SLC14A2: variants seen among roughly 807,000 people sequenced by gnomAD.
SLC14A2 encodes the protein urea transporter 2.
A neutral mutation model predicts 104.6 loss-of-function variants in SLC14A2; 91 were observed. The ratio of observed to expected loss-of-function variants is 0.87; its 90% CI spans 0.73 to 1.04. The LOEUF is 1.04. SLC14A2 is among the 50% of genes least tolerant of loss of function. SLC14A2 has a pLI of 0.00. For missense variants in SLC14A2, 1,189 were observed against 1,156.0 expected (o/e 1.03, Z -0.41); for synonymous variants, 476 against 466.4 (o/e 1.02, Z -0.27).
intron 1 of SLC14A2, among the ~76,000 whole-genome samples, chr18:45,246,252 C>T (rs1459909043): frequency 6.6e-6 from 1 of 152,036 alleles, no homozygotes; most frequent in East Asian, 1.9e-4. Flanking sequence ...AGGGAGGCCT[C>T]GGGACAAAAC....
chr18:45,197,177 G>A, the SLC14A2 span, among the ~76,000 whole-genome samples: 1 of 152,244 alleles, frequency 6.6e-6, no homozygotes, highest in African/African-American at 2.4e-5. Context: ...TCTTAAGCTG[G>A]GAGTTAGTCT....
At chr18:45,630,965 T>A (rs1467470108) in intron 4 of SLC14A2, among the ~76,000 whole-genome samples, 1 of 152,122 alleles carries the variant, frequency 6.6e-6, no homozygotes, top group Non-Finnish European at 1.5e-5. Context: ...TCTCCTCTTA[T>A]CTAGGTCACT....
chr18:45,236,479 G>A (rs1191151896), intron 1 of SLC14A2, among the ~76,000 whole-genome samples: 1 of 72,294 alleles, frequency 1.4e-5, no homozygotes, highest in Non-Finnish European at 2.7e-5. Context: ...ATACATGTAT[G>A]TGTGTATATA....
At chr18:45,670,155 T>A (rs1013437861) in intron 16 of SLC14A2, among the ~76,000 whole-genome samples, 4 of 150,878 alleles carry the variant, frequency 2.7e-5, no homozygotes, top group Admixed American at 2.0e-4. Flanking sequence ...GTTTTCTTGC[T>A]AAATACTGGT....
chr18:45,526,002 T>C (rs1448672122), intron 2 of SLC14A2, among the ~76,000 whole-genome samples: 2 of 152,162 alleles, frequency 1.3e-5, no homozygotes, highest in South Asian at 2.1e-4. Flanking sequence ...GGCAAGAAAA[T>C]TTAAAAGTGC....
chr18:45,622,515 T>A (rs2045189457), intron 1 of SLC14A2, among the ~76,000 whole-genome samples: 1 of 151,962 alleles, frequency 6.6e-6, no homozygotes, highest in African/African-American at 2.4e-5. Context: ...GGGCTGGAAA[T>A]GTGAGTTTTG....
chr18:45,178,724 CA>C, the SLC14A2 span, among the ~76,000 whole-genome samples: 2 of 152,112 alleles, frequency 1.3e-5, no homozygotes, highest in East Asian at 1.9e-4. Flanking sequence ...CAAGTGGAAG[CA>C]AAGTTTTATT....
chr18:45,580,177 G>A (rs1177035876), intron 2 of SLC14A2, among the ~76,000 whole-genome samples: 1 of 152,202 alleles, frequency 6.6e-6, no homozygotes, highest in Non-Finnish European at 1.5e-5. Flanking sequence ...TAGGAAATGA[G>A]ACAAAGTAAA....
chr18:45,288,970 C>A (rs1449716532), intron 1 of SLC14A2, among the ~76,000 whole-genome samples: 1 of 152,226 alleles, frequency 6.6e-6, no homozygotes, highest in South Asian at 2.1e-4. Context: ...TCTTTGCCTG[C>A]TGCTCACTAA....
chr18:45,216,866 C>T (rs1302337024), intron 1 of SLC14A2, among the ~76,000 whole-genome samples: 1 of 152,140 alleles, frequency 6.6e-6, no homozygotes, highest in Non-Finnish European at 1.5e-5. Context: ...ATCCTGGGGA[C>T]ATCCACACAA....
chr18:45,369,185 G>C (rs2085697004), intron 1 of SLC14A2, among the ~76,000 whole-genome samples: 1 of 152,092 alleles, frequency 6.6e-6, no homozygotes, highest in Non-Finnish European at 1.5e-5. Flanking sequence ...CATATAAAAG[G>C]AAATTCCGCT....
chr18:45,201,526 A>G, the SLC14A2 span, among the ~76,000 whole-genome samples: 1 of 149,872 alleles, frequency 6.7e-6, no homozygotes, highest in Non-Finnish European at 1.5e-5. Context: ...TGACATATCT[A>G]ACACCTCCAT....
chr18:45,451,429 A>G (rs563332389), intron 1 of SLC14A2, among the ~76,000 whole-genome samples: 1 of 152,096 alleles, frequency 6.6e-6, no homozygotes, highest in Admixed American at 6.5e-5. Context: ...AATTCAAAGG[A>G]AGGAAAAATA....
At chr18:45,565,374 T>G (rs913215211) in intron 2 of SLC14A2, among the ~76,000 whole-genome samples, 3 of 152,002 alleles carry the variant, frequency 2.0e-5, no homozygotes, top group Non-Finnish European at 4.4e-5. Context: ...TCCGCCCGCC[T>G]CGTGGGATCC....
intron 1 of SLC14A2, among the ~76,000 whole-genome samples, chr18:45,325,962 G>A (rs2085230501): frequency 6.6e-6 from 1 of 152,100 alleles, no homozygotes; most frequent in Admixed American, 6.5e-5. Context: ...TGATTTCAAA[G>A]AACATCCTGC....
intron 1 of SLC14A2, among the ~76,000 whole-genome samples, chr18:45,411,051 T>C (rs1015930977): frequency 1.3e-5 from 2 of 152,236 alleles, no homozygotes; most frequent in African/African-American, 4.8e-5. Flanking sequence ...AGATTATGTA[T>C]TGATTGGCAA....
chr18:45,550,987 G>A (rs1482478225), intron 2 of SLC14A2, among the ~76,000 whole-genome samples: 1 of 152,210 alleles, frequency 6.6e-6, no homozygotes, highest in Admixed American at 6.5e-5. Flanking sequence ...AAGGCTTCAT[G>A]GAGGAGGTGA....
At chr18:45,177,298 C>A in the SLC14A2 span, among the ~76,000 whole-genome samples, 1 of 152,136 alleles carries the variant, frequency 6.6e-6, no homozygotes, top group Non-Finnish European at 1.5e-5. Flanking sequence ...TTCTTCTCAC[C>A]AATCAGGTTG....
At chr18:45,403,774 G>A (rs2086122063) in intron 1 of SLC14A2, among the ~76,000 whole-genome samples, 2 of 150,878 alleles carry the variant, frequency 1.3e-5, no homozygotes, top group Admixed American at 1.3e-4. Context: ...ATGAATGAAT[G>A]AATGAATGAA....
Sources: gnomAD v4.1 joint callset for allele counts (sites outside exome capture counted in the v4.1 genomes callset) on GRCh38, gnomAD v4.1.1 for gene constraint, MANE v1.5 for transcripts, NCBI Gene and HGNC (gene_info 2026-07-23, HGNC 2026-07-21) for gene names.